The following FHIT variants were observed in gnomAD, a reference collection of about 807,000 sequenced individuals.
FHIT encodes fragile histidine triad diadenosine triphosphatase.
Under a neutral mutation model 17.9 loss-of-function variants are expected in FHIT, and 19 were observed. The observed-to-expected ratio is 1.06, with a 90% CI of 0.74 to 1.56. The LOEUF (loss-of-function observed/expected upper bound fraction) is 1.56, where lower values mean the gene tolerates loss of function less well. FHIT is among the 40% of genes most tolerant of loss of function. The pLI is 0.00. For synonymous variants in FHIT, 81 were observed against 69.7 expected (o/e 1.16, Z -0.81); for missense variants, 248 against 189.2 (o/e 1.31, Z -1.82).
chr3:60,271,003 G>T (rs919044478), intron 5 of FHIT, among the ~76,000 whole-genome samples: 1 of 152,154 alleles, frequency 6.6e-6, no homozygotes, highest in African/African-American at 2.4e-5. Flanking sequence ...ACCTATAGGA[G>T]ATTTTCTTCC....
chr3:60,382,340 A>T (rs528585627), intron 5 of FHIT, among the ~76,000 whole-genome samples: 1 of 152,354 alleles, frequency 6.6e-6, no homozygotes, highest in African/African-American at 2.4e-5. Context: ...AGAGTGCCAC[A>T]TCTCATAAAT....
chr3:60,159,276 A>G (rs1476207737), intron 5 of FHIT, among the ~76,000 whole-genome samples: 2 of 152,032 alleles, frequency 1.3e-5, no homozygotes, highest in Non-Finnish European at 2.9e-5. Flanking sequence ...GCCTGCCACC[A>G]CACCCAGCTA....
chr3:59,967,505 A>G (rs1707981151), intron 7 of FHIT, among the ~76,000 whole-genome samples: 1 of 152,166 alleles, frequency 6.6e-6, no homozygotes, highest in South Asian at 2.1e-4. Context: ...GCTCCATTAT[A>G]ATCTTATAGG....
At chr3:59,812,383 A>T (rs751496445) in intron 8 of FHIT, among the ~76,000 whole-genome samples, 1 of 152,196 alleles carries the variant, frequency 6.6e-6, no homozygotes, top group African/African-American at 2.4e-5. Context: ...CAGGGGCTAG[A>T]TCTGAGTCAG....
chr3:60,087,351 C>A (rs1478100039), intron 5 of FHIT, among the ~76,000 whole-genome samples: 1 of 152,176 alleles, frequency 6.6e-6, no homozygotes, highest in East Asian at 1.9e-4. Context: ...CACCTGGCTC[C>A]ATTTTAATCA....
intron 5 of FHIT, among the ~76,000 whole-genome samples, chr3:60,485,630 C>T (rs778645230): frequency 2.0e-5 from 3 of 149,932 alleles, no homozygotes; most frequent in Non-Finnish European, 3.0e-5. Context: ...GGGAGGGGAA[C>T]AACACACACC....
chr3:61,031,437 G>C (rs1380521009), intron 3 of FHIT, among the ~76,000 whole-genome samples: 1 of 152,050 alleles, frequency 6.6e-6, no homozygotes, highest in Non-Finnish European at 1.5e-5. Context: ...CTCTGCTTGA[G>C]TGTCTCAACC....
intron 5 of FHIT, among the ~76,000 whole-genome samples, chr3:60,376,476 C>G (rs1189996414): frequency 6.6e-6 from 1 of 152,128 alleles, no homozygotes; most frequent in African/African-American, 2.4e-5. Context: ...TTTTCATAAA[C>G]ACAAACATAC....
intron 5 of FHIT, among the ~76,000 whole-genome samples, chr3:60,248,713 A>C (rs1440371940): frequency 6.6e-6 from 1 of 152,130 alleles, no homozygotes; most frequent in Non-Finnish European, 1.5e-5. Flanking sequence ...AGGGTGGCAG[A>C]ATATGCCACC....
At chr3:60,223,509 T>A (rs550927429) in intron 5 of FHIT, among the ~76,000 whole-genome samples, 1 of 152,052 alleles carries the variant, frequency 6.6e-6, no homozygotes, top group Non-Finnish European at 1.5e-5. Context: ...TATTTACTAA[T>A]CTAAAAACTG....
chr3:59,754,007 C>CTG lies in FHIT; in HGVS notation c.349-1687_349-1686insCA, dbSNP rs541277462. On this transcript the variant is annotated intron_variant, in intron 8 of 9. Coordinates refer to ENST00000492590, the MANE Select transcript of FHIT (RefSeq NM_002012.4). ...TCCTTTAAAAATAATTTTGCCAACT[C>CTG]AGCAAAAAGTCTATCAACTAATAAA... 9.5e-4 allele frequency among the ~76,000 whole-genome samples: 145 copies of CTG among 151,854 alleles called. 1 individual carries two copies. Among genetic ancestry groups the CTG allele is most frequent in the Middle Eastern group, 3.4e-3 (1 of 294 alleles).
chr3:60,160,775 T>C (rs1700904224), intron 5 of FHIT, among the ~76,000 whole-genome samples: 1 of 152,034 alleles, frequency 6.6e-6, no homozygotes, highest in South Asian at 2.1e-4. Flanking sequence ...ACATTGTTAC[T>C]TGTAAAACAG....
At chr3:59,886,706 C>T (rs78157159) in intron 8 of FHIT, among the ~76,000 whole-genome samples, 13,357 of 152,208 alleles carry the variant, frequency 0.088, 825 homozygotes, top group Middle Eastern at 0.2. Flanking sequence ...ACCCTCATCA[C>T]CCAAACACTT....
chr3:60,017,804 A>G (rs1029030862), intron 5 of FHIT, among the ~76,000 whole-genome samples: 19 of 152,180 alleles, frequency 1.2e-4, no homozygotes, highest in Admixed American at 1.2e-3. Flanking sequence ...GCCAACTCAG[A>G]ATACACACAA....
At chr3:59,895,378 T>C (rs1704025857) in intron 8 of FHIT, among the ~76,000 whole-genome samples, 1 of 152,200 alleles carries the variant, frequency 6.6e-6, no homozygotes, top group South Asian at 2.1e-4. Flanking sequence ...TGCACTATAA[T>C]AGCAGATATT....
intron 3 of FHIT, among the ~76,000 whole-genome samples, chr3:60,896,787 T>A (rs1194076817): frequency 6.6e-6 from 1 of 152,162 alleles, no homozygotes; most frequent in Non-Finnish European, 1.5e-5. Context: ...TGTACTCAAT[T>A]TCCCCCATCT....
At chr3:60,806,397 G>A (rs556337130) in intron 4 of FHIT, among the ~76,000 whole-genome samples, 20 of 152,270 alleles carry the variant, frequency 1.3e-4, no homozygotes, top group East Asian at 5.8e-4. Context: ...TTTTGAAGGC[G>A]GACCTGCAGC....
At chr3:60,199,084 T>C (rs1039220177) in intron 5 of FHIT, among the ~76,000 whole-genome samples, 4 of 152,190 alleles carry the variant, frequency 2.6e-5, no homozygotes, top group African/African-American at 9.6e-5. Flanking sequence ...TGCTTCATTA[T>C]TTCTGTGCAA....
At chr3:60,741,070 T>C (rs938136242) in intron 4 of FHIT, among the ~76,000 whole-genome samples, 3 of 152,196 alleles carry the variant, frequency 2.0e-5, no homozygotes, top group African/African-American at 7.2e-5. Flanking sequence ...CTAGAATTAA[T>C]GGGAAAAGAC....
Sources: gnomAD v4.1 joint callset for allele counts (sites outside exome capture counted in the v4.1 genomes callset) on GRCh38, gnomAD v4.1.1 for gene constraint, MANE v1.5 for transcripts, NCBI Gene and HGNC (gene_info 2026-07-23, HGNC 2026-07-21) for gene names.